Variants in ZNF805 observed in about 807,000 individuals in gnomAD.
ZNF805 encodes the protein zinc finger protein 805.
In ZNF805, 7 loss-of-function variants were observed where a neutral mutation model predicts 13.6. The ratio of observed to expected loss-of-function variants is 0.51; its 90% CI spans 0.29 to 0.97. The LOEUF is 0.97. ZNF805 is among the 50% of genes least tolerant of loss of function. The pLI, the probability that ZNF805 is intolerant of heterozygous loss-of-function variation, is 0.08. For synonymous variants in ZNF805, 293 were observed against 279.8 expected (o/e 1.05, Z -0.47); for missense variants, 604 against 771.0 (o/e 0.78, Z 2.57).
chr19:57,247,968 A>T (rs1401928315), intron 2 of ZNF805, among the ~76,000 whole-genome samples: 1 of 152,220 alleles, frequency 6.6e-6, no homozygotes, highest in Non-Finnish European at 1.5e-5. Context: ...GCACTCTGGG[A>T]GGCCTAGGCG....
intron 2 of ZNF805, 111 bp from the exon 3 acceptor site, chr19:57,248,494 G>A (rs2087632448): frequency 1.0e-6 from 1 of 991,374 alleles, no homozygotes; most frequent in Non-Finnish European, 1.6e-6. Context: ...CCATGGATGG[G>A]TGTAGCTTCA....
In ZNF805 at chr19:57,258,073, G is replaced by A. The variant is rs941047806; in HGVS notation, c.*3370G>A. 8.3e-5 allele frequency among the ~76,000 whole-genome samples: 12 copies of A among 145,368 alleles called. No individual in the cohort carries two copies. Among genetic ancestry groups the A allele is most frequent in the African/African-American group, 1.3e-4 (5 of 38,980 alleles). On this transcript the variant is annotated 3_prime_UTR_variant, in exon 4 of 4. Coordinates refer to ENST00000414468, the MANE Select transcript of ZNF805 (RefSeq NM_001023563.4). ...GTCGCCCTGGCTGGAGTGCAGTGGC[G>A]CAGTCTGCAACCTCTGCCTCCCGGG...
chr19:57,253,009 G>T lies in ZNF805; in HGVS notation c.254-64G>T. ...TAACTTCATTTTTTTTACTGAAGTG[G>T]TGAGTTTGTTTCTTCTCTTTTTACA... On this transcript the variant is annotated intron_variant, in intron 3 of 3. Transcript: ENST00000414468. The surrounding 1 kb of genome is among the most constrained non-coding windows in gnomAD (Gnocchi z 4.4). 5 of 1,309,340 alleles carry T rather than the reference G, an allele frequency of 3.8e-6. No homozygotes were observed. Among genetic ancestry groups the T allele is most frequent in the Non-Finnish European group, 4.0e-6 (4 of 1,011,906 alleles). The allele number at this position is 1,309,340 out of a possible 1,614,324, so 81.1% of individuals were successfully genotyped here. A position where few individuals can be genotyped will look rare whatever the true frequency, so the allele number is the denominator to read the frequency against.
At position 57,254,533 on chromosome 19, in the gene ZNF805, G is replaced by A; in HGVS notation, c.1714G>A (p.Val572Met). 6.2e-7 allele frequency: 1 copy of A among 1,614,224 alleles called. No homozygotes were observed. Among genetic ancestry groups the A allele is most frequent in the African/African-American group, 1.3e-5 (1 of 75,060 alleles). The change falls in exon 4 of 4, where the codon GTG becomes ATG. Residue 572 changes from valine to methionine, a missense_variant. Transcript: ENST00000414468. ...GAGAAATCCTATCAGTGTAACAGAT[G>A]TGGGAAGACCTTTTACAAGTGGGCA... ...TGRNPISVTD[V>M]GRPFTSGQTS...
chr19:57,251,450 C>A lies in ZNF805; in HGVS notation c.254-1623C>A, dbSNP rs538422766. On this transcript the variant is annotated intron_variant, in intron 3 of 3. Transcript: ENST00000414468. ...GTGAGATGTTATTTGGTGATAAATG[C>A]CTTTTTTTCAATTAACTTCTTTGGC... Among the ~76,000 whole-genome samples, 16 of 152,024 alleles carry A rather than the reference C, an allele frequency of 1.1e-4. No homozygotes were observed. In the South Asian group the frequency reaches 1.9e-3, roughly 18 times the overall value.
rs527670754 is a variant in ZNF805, at chr19:57,256,813, T to C, written c.*2110T>C. The stretch of plus-strand genomic sequence containing the variant: ...TTAATTTCACTGATATCTGCTCTGA[T>C]GTGTATTGTATCCTTTCTCCTACTT... On this transcript the variant is annotated 3_prime_UTR_variant, in exon 4 of 4. Transcript: ENST00000414468. 1.3e-4 allele frequency among the ~76,000 whole-genome samples: 20 copies of C among 152,302 alleles called. No homozygotes were observed. The highest frequency in any genetic ancestry group is 4.6e-4 in the African/African-American group (19 of 41,576).
At chr19:57,248,790 CA>C in intron 3 of ZNF805, 90 bp downstream of exon 3, 1 of 1,188,446 alleles carries the variant, frequency 8.4e-7, no homozygotes, top group South Asian at 1.3e-5. Context: ...GGAAGCTTCT[CA>C]CTGTGGCTTC....
intron 3 of ZNF805, among the ~76,000 whole-genome samples, chr19:57,250,296 G>A (rs1291918954): frequency 2.0e-5 from 3 of 152,102 alleles, no homozygotes; most frequent in South Asian, 4.2e-4. Context: ...GCAATGGCGC[G>A]ATCTCGGCTC....
At position 57,247,134 on chromosome 19, in the gene ZNF805, C is replaced by G. The variant is rs2087624355; in HGVS notation, c.158-1471C>G. Among the ~76,000 whole-genome samples the G allele has an allele frequency of 3.3e-5, 5 of 152,014 alleles. No individual in the cohort carries two copies. The South Asian group carries it at 1.0e-3, about 31-fold the overall frequency. ...CTGCGATCCTCACACCTTACCGTCT[C>G]CAGTAGCTGGGACTACAGATGCGAG... is the stretch of plus-strand genomic sequence containing the variant. On this transcript the variant is annotated intron_variant, in intron 2 of 3. Coordinates refer to ENST00000414468, the MANE Select transcript of ZNF805 (RefSeq NM_001023563.4).
At position 57,253,886 on chromosome 19, in the gene ZNF805, C is replaced by T; in HGVS notation, c.1067C>T (p.Ser356Leu). 1.2e-6 allele frequency: 2 copies of T among 1,614,188 alleles called. No homozygotes were observed. Among genetic ancestry groups the T allele is most frequent in the African/African-American group, 1.3e-5 (1 of 75,044 alleles). The change falls in exon 4 of 4, where the codon TCA becomes TTA. Residue 356 changes from serine to leucine, a missense_variant. Coordinates refer to ENST00000414468, the MANE Select transcript of ZNF805 (RefSeq NM_001023563.4). This position sits in a 1 kb window ranked among gnomAD's most constrained non-coding sequence, Gnocchi z 4.4. ...TGTGGCAAGGTCTTCAAACACAGATCATACCTCATGTGGCACCAGCAGACT... is the reference window on the plus strand; with the variant it reads ...TGTGGCAAGGTCTTCAAACACAGATTATACCTCATGTGGCACCAGCAGACT... ...FECGKVFKHR[S>L]YLMWHQQTHT...
rs1351101304 is a variant in ZNF805, at chr19:57,258,919, T to A, written c.*4216T>A. ...TTATGTTCCCTTCATTCCTGAGGGA[T>A]ATTTTTGTGGGATAATAGGATTTAG... On this transcript the variant is annotated 3_prime_UTR_variant, in exon 4 of 4. Coordinates refer to ENST00000414468, the MANE Select transcript of ZNF805 (RefSeq NM_001023563.4). Among the ~76,000 whole-genome samples the A allele has an allele frequency of 2.0e-5, 3 of 152,188 alleles. No individual in the cohort carries two copies. Among genetic ancestry groups the A allele is most frequent in the Non-Finnish European group, 4.4e-5 (3 of 68,044 alleles).
chr19:57,250,897 T>G (rs2087648238), intron 3 of ZNF805, among the ~76,000 whole-genome samples: 1 of 152,180 alleles, frequency 6.6e-6, no homozygotes, highest in Admixed American at 6.5e-5. Flanking sequence ...TTCATGGACG[T>G]TTTTTCTTCA....
Position 57,253,817 on chromosome 19 carries a change from A to C in ZNF805, c.998A>C (p.His333Pro). The change falls in exon 4 of 4, where the codon CAC becomes CCC. Residue 333 changes from histidine (H) to proline (P), a missense_variant. By Grantham distance (77) the His-to-Pro change is moderately conservative. This residue lies in a region of ZNF805 where 228 missense variants were observed against 352.8 expected (regional missense o/e 0.65). Transcript: ENST00000414468. This position sits in a 1 kb window ranked among gnomAD's most constrained non-coding sequence, Gnocchi z 4.4. ...CGAGATAGGCCAGGTTTCATTCGAC[A>C]CTACATCATCCACAGTGGTGAGAAT... ...AFRDRPGFIR[H>P]YIIHSGENPY... 6.2e-7 allele frequency: 1 copy of C among 1,613,972 alleles called. No individual in the cohort carries two copies. Among genetic ancestry groups the C allele is most frequent in the East Asian group, 2.2e-5 (1 of 44,884 alleles).
chr19:57,244,160 C>A (rs914328143), intron 2 of ZNF805, 111 bp downstream of exon 2: 1 of 1,365,158 alleles, frequency 7.3e-7, no homozygotes, highest in Non-Finnish European at 9.8e-7. Context: ...TTGCCTCCTT[C>A]CCACAAATTC....
At chr19:57,245,558 T>C (rs1314775183) in intron 2 of ZNF805, among the ~76,000 whole-genome samples, 1 of 150,696 alleles carries the variant, frequency 6.6e-6, no homozygotes, top group African/African-American at 2.4e-5. Flanking sequence ...GATGGGCGGA[T>C]CACAAGGTCA....
intron 3 of ZNF805, 85 bp downstream of exon 3, chr19:57,248,785 C>A: frequency 8.0e-7 from 1 of 1,242,528 alleles, no homozygotes; most frequent in Non-Finnish European, 1.2e-6. Flanking sequence ...TCTTGGGAAG[C>A]TTCTCACTGT....
intron 1 of ZNF805, among the ~76,000 whole-genome samples, chr19:57,243,162 A>G: frequency 6.6e-6 from 1 of 152,082 alleles, no homozygotes; most frequent in East Asian, 1.9e-4. Context: ...GTTACAGTGA[A>G]CTCTGAGCAT....
chr19:57,247,828 C>T (rs747469263), intron 2 of ZNF805, among the ~76,000 whole-genome samples: 3 of 152,184 alleles, frequency 2.0e-5, no homozygotes, highest in Non-Finnish European at 4.4e-5. Context: ...TTTACCTCCC[C>T]GAGCCTGGGT....
intron 3 of ZNF805, 83 bp downstream of exon 3, chr19:57,248,783 A>G (rs2087634763): frequency 1.6e-6 from 2 of 1,257,748 alleles, no homozygotes; most frequent in Non-Finnish European, 2.3e-6. Flanking sequence ...TCTCTTGGGA[A>G]GCTTCTCACT....
Sources: allele counts gnomAD v4.1 joint callset (sites outside exome capture counted in the v4.1 genomes callset), GRCh38; gene constraint gnomAD v4.1.1; regional missense constraint gnomAD v4.1.1; non-coding constraint Gnocchi (gnomAD v3.1); transcripts MANE v1.5; gene names NCBI Gene and HGNC (gene_info 2026-07-23, HGNC 2026-07-21).